Variants in FBRSL1 observed in about 807,000 individuals in gnomAD.
The protein encoded by FBRSL1 is fibrosin-1-like protein.
Under a neutral mutation model 89.6 loss-of-function variants are expected in FBRSL1, and 51 were observed. The observed-to-expected ratio is 0.57, with a 90% CI of 0.45 to 0.72. The LOEUF is 0.72. Ranked by LOEUF, FBRSL1 falls within the 30% of genes least tolerant of loss-of-function variation. The pLI is 0.00. For synonymous variants in FBRSL1, 779 were observed against 681.1 expected (o/e 1.14, Z -2.24); for missense variants, 1,618 against 1,451.8 (o/e 1.11, Z -1.86).
Position 132,581,731 on chromosome 12 carries a change from GC to G in FBRSL1, c.1913-5del. ...TCACAGACCTCTGGGTCCCGCGGTT[GC>G]CCCCACAGACCCTTTCAGCAGACCG... On this transcript the variant is annotated splice_polypyrimidine_tract_variant and intron_variant, in intron 16 of 18. Transcript: ENST00000680143. 6.5e-7 allele frequency: 1 copy of G among 1,550,034 alleles called. No individual in the cohort carries two copies. The highest frequency in any genetic ancestry group is 8.7e-7 in the Non-Finnish European group (1 of 1,146,716).
At chr12:132,555,336 C>G (rs991770235) in intron 5 of FBRSL1, among the ~76,000 whole-genome samples, 1 of 152,020 alleles carries the variant, frequency 6.6e-6, no homozygotes, top group Non-Finnish European at 1.5e-5. Flanking sequence ...AGCCGCCCCA[C>G]CCGAGCGTGA....
chr12:132,583,157 G>A lies in FBRSL1; in HGVS notation c.2388G>A (p.Met796Ile), dbSNP rs1184623392. ...RSPAKEEAAKMPARASPPHSK... is the reference protein window; with the variant it reads ...RSPAKEEAAKIPARASPPHSK... ...CGGCCAAGGAGGAGGCCGCCAAGAT[G>A]CCCGCGCGCGCATCCCCGCCCCACA... The change falls in exon 19 of 19, where the codon ATG becomes ATA. Residue 796 changes from methionine (M) to isoleucine (I), a missense_variant. Physicochemically the swap from Met to Ile is conservative, Grantham distance 10. Coordinates refer to ENST00000680143, the MANE Select transcript of FBRSL1 (RefSeq NM_001367871.1). 1.4e-6 allele frequency: 2 copies of A among 1,461,978 alleles called. No individual in the cohort carries two copies. Among genetic ancestry groups the A allele is most frequent in the Non-Finnish European group, 1.8e-6 (2 of 1,111,048 alleles). The allele number at this position is 1,461,978 out of a possible 1,614,324, so 90.6% of individuals were successfully genotyped here.
chr12:132,493,552 G>T (rs1366283024), intron 1 of FBRSL1, among the ~76,000 whole-genome samples: 2 of 152,154 alleles, frequency 1.3e-5, no homozygotes, highest in African/African-American at 4.8e-5. Flanking sequence ...TCTGACCCCA[G>T]GCAGACCACC....
At chr12:132,514,991 C>A (rs2034706561) in intron 2 of FBRSL1, among the ~76,000 whole-genome samples, 1 of 152,132 alleles carries the variant, frequency 6.6e-6, no homozygotes. Flanking sequence ...TGAGTTTAGA[C>A]TGGCAGCTTC....
chr12:132,579,632 C>T lies in FBRSL1; in HGVS notation c.1835-1807C>T, dbSNP rs147601430. Among the ~76,000 whole-genome samples the T allele has an allele frequency of 6.6e-5, 10 of 152,284 alleles. No individual in the cohort carries two copies. The East Asian group carries it at 7.7e-4, about 12-fold the overall frequency. ...TGCCCCCTTGTGTAAACTGTCGGTA[C>T]GTTTCTGGAGCCACTGTTCCAGCGC... On this transcript the variant is annotated intron_variant, in intron 15 of 18. Transcript: ENST00000680143.
At chr12:132,510,302 C>T (rs117206641) in intron 2 of FBRSL1, 122,618 of 1,231,118 alleles carry the variant, frequency 0.1, 5,369 homozygotes, top group Non-Finnish European at 0.11. Flanking sequence ...CGCGGCGGTC[C>T]CTATTGGATC....
chr12:132,521,471 G>A (rs923889360), intron 2 of FBRSL1, among the ~76,000 whole-genome samples: 5 of 152,306 alleles, frequency 3.3e-5, no homozygotes, highest in South Asian at 2.1e-4. Flanking sequence ...TGAGGAAGCC[G>A]TAGGCCCCTT....
chr12:132,506,862 G>A (rs2033747134), intron 1 of FBRSL1, among the ~76,000 whole-genome samples: 1 of 152,264 alleles, frequency 6.6e-6, no homozygotes, highest in South Asian at 2.1e-4. Context: ...CCTCGGGGAG[G>A]CAAGGAGTCT....
intron 9 of FBRSL1, chr12:132,571,944 G>A (rs1265187767): frequency 3.9e-5 from 15 of 389,120 alleles, no homozygotes; most frequent in South Asian, 5.8e-5. Flanking sequence ...AGTTTTATTC[G>A]GAAACTGGCC....
At chr12:132,551,520 A>T (rs1470365274) in intron 5 of FBRSL1, 1 of 456,294 alleles carries the variant, frequency 2.2e-6, no homozygotes. Flanking sequence ...GTCTCAGGCC[A>T]GTGCACTTCA....
intron 4 of FBRSL1, among the ~76,000 whole-genome samples, chr12:132,539,269 C>T (rs1377358080): frequency 1.3e-5 from 2 of 152,028 alleles, no homozygotes; most frequent in East Asian, 1.9e-4. Flanking sequence ...AGGAGCTGGC[C>T]GTCAGGTGGG....
Position 132,510,798 on chromosome 12 carries a change from G to A in FBRSL1, c.489+2448G>A, listed in dbSNP as rs547346137. On this transcript the variant is annotated intron_variant, in intron 2 of 18. Transcript: ENST00000680143. The stretch of plus-strand genomic sequence containing the variant: ...GTGCGTGCCCTGGGAGGGGAACACA[G>A]CCCCTGAGGGCGGGGACCTTGCTGG... 23 of 1,130,478 alleles carry A rather than the reference G, an allele frequency of 2.0e-5. No individual in the cohort carries two copies. In the African/African-American group the frequency reaches 3.5e-4, roughly 17 times the overall value. 70.0% of individuals were successfully genotyped at this position (1,130,478 alleles called of 1,614,324 possible). A position where few individuals can be genotyped will look rare whatever the true frequency, so the allele number is the denominator to read the frequency against.
chr12:132,506,438 T>G (rs2033693390), intron 1 of FBRSL1, among the ~76,000 whole-genome samples: 1 of 152,262 alleles, frequency 6.6e-6, no homozygotes, highest in Admixed American at 6.5e-5. Flanking sequence ...CGGTCCCGCC[T>G]CCTCAGATCT....
At chr12:132,510,120 C>T (rs2034163842) in intron 2 of FBRSL1, 2 of 1,225,490 alleles carry the variant, frequency 1.6e-6, no homozygotes, top group African/African-American at 3.1e-5. Flanking sequence ...GCAGCCCTGC[C>T]CACCCAAGCG....
intron 6 of FBRSL1, 55 bp from the exon 7 acceptor site, chr12:132,569,869 CAG>C (rs1230184149): frequency 7.8e-7 from 1 of 1,289,486 alleles, no homozygotes; most frequent in Non-Finnish European, 9.9e-7. Flanking sequence ...CCCTGGGCCA[CAG>C]GAGGGGCAGG....
At chr12:132,574,251 TC>T in intron 12 of FBRSL1, 67 bp from the exon 13 acceptor site, 1 of 1,458,876 alleles carries the variant, frequency 6.9e-7, no homozygotes, top group South Asian at 1.5e-5. Context: ...ACGGGCTGTG[TC>T]CCCTGCACCC....
chr12:132,569,255 G>A (rs1015534332), intron 6 of FBRSL1, among the ~76,000 whole-genome samples: 1 of 151,196 alleles, frequency 6.6e-6, no homozygotes, highest in Non-Finnish European at 1.5e-5. Flanking sequence ...GGGCCCACAG[G>A]ACCTGCGGGG....
At chr12:132,555,802 A>G (rs558363380) in intron 5 of FBRSL1, among the ~76,000 whole-genome samples, 2 of 152,252 alleles carry the variant, frequency 1.3e-5, no homozygotes, top group Admixed American at 1.3e-4. Context: ...ATTTAGGTCC[A>G]CCTGGATAAC....
At chr12:132,513,193 A>G (rs2034526665) in intron 2 of FBRSL1, among the ~76,000 whole-genome samples, 1 of 152,210 alleles carries the variant, frequency 6.6e-6, no homozygotes, top group Admixed American at 6.5e-5. Flanking sequence ...TGCTGACCAG[A>G]AGATGCAGCT....
Sources: allele counts gnomAD v4.1 joint callset (sites outside exome capture counted in the v4.1 genomes callset), GRCh38; gene constraint gnomAD v4.1.1; transcripts MANE v1.5; gene names NCBI Gene and HGNC (gene_info 2026-07-23, HGNC 2026-07-21).